RTBDN: variants seen among roughly 807,000 people sequenced by gnomAD.
RTBDN encodes the protein retbindin.
In RTBDN, 24 loss-of-function variants were observed where a neutral mutation model predicts 21.9. The observed-to-expected ratio is 1.10, with a 90% CI of 0.79 to 1.54. RTBDN has a LOEUF of 1.54. RTBDN is among the 40% of genes most tolerant of loss of function. The probability of loss-of-function intolerance (pLI) is 0.00; values close to 1 mark genes in which losing one functional copy is unlikely to be tolerated. For missense variants in RTBDN, 325 were observed against 315.2 expected (o/e 1.03, Z -0.23); for synonymous variants, 141 against 125.9 (o/e 1.12, Z -0.80).
chr19:12,827,320 ATTTTTTTTTT>A (rs34634301), intron 4 of RTBDN, among the ~76,000 whole-genome samples: 11 of 120,340 alleles, frequency 9.1e-5, no homozygotes, highest in Non-Finnish European at 1.9e-4. Context: ...TGTCCGATTA[ATTTTTTTTTT>A]TTTTTTTTTT....
intron 5 of RTBDN, chr19:12,826,206 G>A: frequency 7.5e-7 from 1 of 1,332,272 alleles, no homozygotes; most frequent in Non-Finnish European, 9.6e-7. Flanking sequence ...GAGAGTGACT[G>A]GGCTTCTGGG....
At position 12,825,884 on chromosome 19, in the gene RTBDN, A is replaced by G. The variant is rs1157321838; in HGVS notation, c.512T>C (p.Leu171Pro). The G allele has an allele frequency of 1.2e-6, 2 of 1,613,136 alleles. No homozygotes were observed. The highest frequency in any genetic ancestry group is 3.3e-5 in the Admixed American group (2 of 59,920). The change falls in exon 6 of 6, where the codon CTA (leucine) becomes CCA (proline). Residue 171 changes from leucine to proline, a missense_variant. Physicochemically the swap from Leu to Pro is moderately conservative, Grantham distance 98. Transcript: ENST00000674343. ...DLCRSALGHA[L>P]PVAAPGARHC... is the part of the protein sequence containing the mutation. ...ACGGGCTCCAGGAGCAGCCACCGGT[A>G]GGGCGTGGCCCAGAGCCGAGCGACA...
chr19:12,834,252 C>T lies in RTBDN; in HGVS notation c.-19+237G>A, dbSNP rs1969679550. Among the ~76,000 whole-genome samples the T allele has an allele frequency of 1.3e-5, 2 of 152,166 alleles. 1 individual carries two copies. Among genetic ancestry groups the T allele is most frequent in the South Asian group, 4.1e-4 (2 of 4,836 alleles). On this transcript the variant is annotated intron_variant, in intron 1 of 5. Coordinates refer to ENST00000674343, the MANE Select transcript of RTBDN (RefSeq NM_001270441.2). This position sits in a 1 kb window ranked among gnomAD's most constrained non-coding sequence, Gnocchi z 4.7. ...CAGCCTAGCGCTCCCCCTCGAGGAT[C>T]GCCTGAGGGGCGCCTGGCCCGCCCT...
chr19:12,831,321 G>C (rs2145862171), intron 1 of RTBDN, among the ~76,000 whole-genome samples: 1 of 152,308 alleles, frequency 6.6e-6, no homozygotes, highest in Admixed American at 6.5e-5. Context: ...TGTTGCTTGT[G>C]AACACTCCTT....
chr19:12,831,816 G>T (rs760457035), intron 1 of RTBDN, among the ~76,000 whole-genome samples: 6 of 152,208 alleles, frequency 3.9e-5, no homozygotes, highest in Non-Finnish European at 7.3e-5. Context: ...CCTGCAGAGG[G>T]TATGGGTGTG....
rs1188954246 is a variant in RTBDN at position 12,830,524 on chromosome 19, TG to T, written c.-18-528del. The stretch of plus-strand genomic sequence containing the variant: ...TGTGGCAGGGCTCAGGTTCTGTCAC[TG>T]GGGCCCAAAGCCCCGAGGCAGGGAC... On this transcript the variant is annotated intron_variant, in intron 1 of 5. Coordinates refer to ENST00000674343, the MANE Select transcript of RTBDN (RefSeq NM_001270441.2). This position sits in a 1 kb window ranked among gnomAD's most constrained non-coding sequence, Gnocchi z 4.2. 5.1e-6 allele frequency: 5 copies of T among 984,070 alleles called. No individual in the cohort carries two copies. The highest frequency in any genetic ancestry group is 6.0e-6 in the Non-Finnish European group (5 of 828,688). 61.0% of individuals were successfully genotyped at this position (984,070 alleles called of 1,614,324 possible).
upstream of RTBDN, chr19:12,834,590 C>T: frequency 6.6e-7 from 1 of 1,516,590 alleles, no homozygotes; most frequent in Non-Finnish European, 8.8e-7. This position sits in a 1 kb window ranked among gnomAD's most constrained non-coding sequence, Gnocchi z 4.7. Flanking sequence ...ATCCGCCCCC[C>T]CACCGCGATC....
In RTBDN at chr19:12,834,517, G is replaced by A; in HGVS notation, c.-47C>T. 6.5e-7 allele frequency: 1 copy of A among 1,535,484 alleles called. No homozygotes were observed. Among genetic ancestry groups the A allele is most frequent in the South Asian group, 1.2e-5 (1 of 84,054 alleles). On this transcript the variant is annotated 5_prime_UTR_variant, in exon 1 of 6. Transcript: ENST00000674343. The surrounding 1 kb of genome is among the most constrained non-coding windows in gnomAD (Gnocchi z 4.7). ...CCTGGCCATCAGGATTCTTCCTACT[G>A]CCCTAATTGGACAGGCACCTAGACA...
chr19:12,835,248 T>C, upstream of RTBDN: 3 of 744,666 alleles, frequency 4.0e-6, no homozygotes, highest in East Asian at 2.7e-5. Context: ...GGAAAACTAA[T>C]TTGCTTTCAG....
At chr19:12,829,781 T>C (rs1969487332) in intron 2 of RTBDN, 30 bp downstream of exon 2, 1 of 1,585,920 alleles carries the variant, frequency 6.3e-7, no homozygotes, top group Admixed American at 1.7e-5. Context: ...TTCTGGGTGT[T>C]GGTGGTGAGG....
At chr19:12,834,961 G>A (rs1969706308), upstream of RTBDN, 1 of 1,551,632 alleles carries the variant, frequency 6.4e-7, no homozygotes, top group East Asian at 2.2e-5. This position sits in a 1 kb window ranked among gnomAD's most constrained non-coding sequence, Gnocchi z 4.7. Flanking sequence ...TGGCCCTTCT[G>A]AGCCTCCTTG....
upstream of RTBDN, chr19:12,835,032 C>T (rs1416398973): frequency 6.2e-7 from 1 of 1,603,580 alleles, no homozygotes; most frequent in Non-Finnish European, 8.5e-7. Flanking sequence ...GGCCCAGACT[C>T]AGGCTCCATC....
intron 1 of RTBDN, among the ~76,000 whole-genome samples, chr19:12,833,629 A>T (rs915509562): frequency 6.6e-6 from 1 of 151,958 alleles, no homozygotes; most frequent in African/African-American, 2.4e-5. Flanking sequence ...TGAGGGTTCT[A>T]CCCCTGAGAA....
chr19:12,826,295 T>G, intron 5 of RTBDN: 4 of 1,210,346 alleles, frequency 3.3e-6, no homozygotes, highest in South Asian at 1.6e-5. Flanking sequence ...CGAGAGCTTT[T>G]GGGGTCAAAG....
upstream of RTBDN, chr19:12,834,590 C>G: frequency 5.9e-6 from 9 of 1,516,590 alleles, no homozygotes; most frequent in Middle Eastern, 1.7e-4. This position sits in a 1 kb window ranked among gnomAD's most constrained non-coding sequence, Gnocchi z 4.7. Flanking sequence ...ATCCGCCCCC[C>G]CACCGCGATC....
In RTBDN at chr19:12,828,712, G is replaced by T. The variant is rs371681511; in HGVS notation, c.310C>A (p.Arg104=). 5.0e-6 allele frequency: 8 copies of T among 1,614,116 alleles called. 1 individual carries two copies. In the South Asian group the frequency reaches 7.7e-5, roughly 16 times the overall value. The change falls in exon 4 of 6, where the codon CGG becomes AGG. Residue 104 remains arginine (R), a synonymous_variant. Transcript: ENST00000674343. ...QRALRSRFRL[R]LLGVRQAQPL... ...TGTGCCTGGCGTACCCCCAATAGCC[G>T]CAGGCGGAAGCGACTGCGAAGGGCA... is the stretch of plus-strand genomic sequence containing the variant.
chr19:12,833,791 T>G (rs1969662753), intron 1 of RTBDN, among the ~76,000 whole-genome samples: 1 of 126,960 alleles, frequency 7.9e-6, no homozygotes, highest in African/African-American at 3.0e-5. Context: ...CCAGACGCAG[T>G]GACGGCGCCG....
In RTBDN at chr19:12,830,129, C is replaced by T; in HGVS notation, c.-18-132G>A. 1 of 1,292,110 alleles carries T rather than the reference C, an allele frequency of 7.7e-7. No individual in the cohort carries two copies. The highest frequency in any genetic ancestry group is 2.7e-5 in the Admixed American group (1 of 36,942). 80.0% of individuals were successfully genotyped at this position (1,292,110 alleles called of 1,614,324 possible). On this transcript the variant is annotated intron_variant, in intron 1 of 5. Transcript: ENST00000674343. This position sits in a 1 kb window ranked among gnomAD's most constrained non-coding sequence, Gnocchi z 4.2. ...GCTGAGGAGGAGGCTGGGGCAGTGG[C>T]CAAGGACGTTCAAATCCCAGGAGAC...
In RTBDN at chr19:12,828,639, T is replaced by G; in HGVS notation, c.365+18A>C. The stretch of plus-strand genomic sequence containing the variant: ...CGCCCAAGTCACAACCCACGCCCCT[T>G]GCCCCCGCGTCTCCTACCAGGCCTG... On this transcript the variant is annotated intron_variant, in intron 4 of 5. Coordinates refer to ENST00000674343, the MANE Select transcript of RTBDN (RefSeq NM_001270441.2). 1 of 1,594,162 alleles carries G rather than the reference T, an allele frequency of 6.3e-7. No individual in the cohort carries two copies. The highest frequency in any genetic ancestry group is 8.6e-7 in the Non-Finnish European group (1 of 1,166,076).
Sources: allele counts gnomAD v4.1 joint callset (sites outside exome capture counted in the v4.1 genomes callset), GRCh38; gene constraint gnomAD v4.1.1; non-coding constraint Gnocchi (gnomAD v3.1); transcripts MANE v1.5; gene names NCBI Gene and HGNC (gene_info 2026-07-23, HGNC 2026-07-21).